WDR59: variants seen among roughly 807,000 people sequenced by gnomAD.
WDR59 encodes the protein GATOR2 complex protein WDR59.
WDR59 carries 100 observed loss-of-function variants against 131.2 expected under a neutral mutation model. The observed-to-expected ratio is 0.76, with a 90% CI of 0.65 to 0.90. WDR59 has a LOEUF of 0.90. Among genes scored for constraint, WDR59 ranks in the 40% least tolerant of loss-of-function variants. The probability of loss-of-function intolerance (pLI) is 0.00; values close to 1 mark genes in which losing one functional copy is unlikely to be tolerated. For synonymous variants in WDR59, 601 were observed against 466.2 expected, an observed-to-expected ratio of 1.29 and a Z score of -3.72; for missense variants, 1,203 against 1,262.2, an observed-to-expected ratio of 0.95 and a Z score of 0.71.
chr16:74,913,782 G>T (rs1597702731), intron 13 of WDR59, among the ~76,000 whole-genome samples: 1 of 152,182 alleles, frequency 6.6e-6, no homozygotes, highest in Non-Finnish European at 1.5e-5. Flanking sequence ...GAGGGAAGGG[G>T]AAATAGGGAG....
At chr16:74,915,824 A>G in intron 13 of WDR59, 46 bp downstream of exon 13, 8 of 1,612,146 alleles carry the variant, frequency 5.0e-6, no homozygotes, top group Non-Finnish European at 5.9e-6. Flanking sequence ...CCTCTCCCAC[A>G]AACTGCCATC....
chr16:74,951,941 C>T (rs938784295), intron 3 of WDR59, among the ~76,000 whole-genome samples: 4 of 152,070 alleles, frequency 2.6e-5, no homozygotes, highest in African/African-American at 9.7e-5. Flanking sequence ...GTCTCCAGCT[C>T]ACCCTTCCAT....
chr16:74,898,412 T>C (rs1965391888), intron 18 of WDR59, among the ~76,000 whole-genome samples: 1 of 152,288 alleles, frequency 6.6e-6, no homozygotes, highest in South Asian at 2.1e-4. Flanking sequence ...TCCCCACAGA[T>C]TTCATGAGAA....
chr16:74,918,271 G>C (rs1966489093), intron 10 of WDR59, among the ~76,000 whole-genome samples: 1 of 152,230 alleles, frequency 6.6e-6, no homozygotes, highest in African/African-American at 2.4e-5. Flanking sequence ...TAAGAGGACA[G>C]AGACTGATGG....
rs774161710 is a variant in WDR59 at position 74,885,692 on chromosome 16, T to C, written c.2650A>G (p.Lys884Glu). 22 of 1,613,970 alleles carry C rather than the reference T, an allele frequency of 1.4e-5. No homozygotes were observed. In the South Asian group the frequency reaches 1.5e-4, roughly 11 times the overall value. Residue 884 changes from lysine to glutamate, a missense_variant, in exon 25 of 26, where the codon AAG becomes GAG. Coordinates refer to ENST00000262144, the MANE Select transcript of WDR59 (RefSeq NM_030581.4). ...GLREKRAEVL[K>E]FVSCPPDPHK... is the part of the protein sequence containing the mutation. ...GGGTCAGGAGGACAGGAGACAAACT[T>C]CAACACTTCAGCTCGCTTCTCTCTC...
At chr16:74,894,627 T>A (rs945358578) in intron 18 of WDR59, among the ~76,000 whole-genome samples, 1 of 152,072 alleles carries the variant, frequency 6.6e-6, no homozygotes, top group Non-Finnish European at 1.5e-5. Flanking sequence ...GTGATTCAAC[T>A]AAGGAAGGAG....
At chr16:74,951,387 A>T (rs2032990941) in intron 4 of WDR59, 71 bp downstream of exon 4, 3 of 1,429,794 alleles carry the variant, frequency 2.1e-6, no homozygotes, top group Admixed American at 3.9e-5. Context: ...GGAGGACGGC[A>T]TCATCATTTC....
Position 74,985,092 on chromosome 16 carries a change from G to A in WDR59, c.-75C>T, listed in dbSNP as rs996448006. ...CGTCCCCAGTATCCCGGGACCGTGC[G>A]CCCCACACAGCCAGAGAATCAGCCC... On this transcript the variant is annotated 5_prime_UTR_variant, in exon 1 of 26. Transcript: ENST00000262144. 37 of 1,401,038 alleles carry A rather than the reference G, an allele frequency of 2.6e-5. No homozygotes were observed. The highest frequency in any genetic ancestry group is 3.4e-5 in the Non-Finnish European group (34 of 1,013,638). 86.8% of individuals were successfully genotyped at this position (1,401,038 alleles called of 1,614,324 possible). A position where few individuals can be genotyped will look rare whatever the true frequency, so the allele number is the denominator to read the frequency against.
intron 11 of WDR59, among the ~76,000 whole-genome samples, chr16:74,916,625 G>A (rs966142312): frequency 7.2e-5 from 11 of 152,242 alleles, no homozygotes; most frequent in Admixed American, 2.0e-4. Flanking sequence ...TTGGGAGGCC[G>A]AGGCAGGTGG....
At position 74,965,812 on chromosome 16, in the gene WDR59, A is replaced by G; in HGVS notation, c.65T>C (p.Met22Thr). The G allele has an allele frequency of 1.2e-6, 2 of 1,614,170 alleles. No individual in the cohort carries two copies. Among genetic ancestry groups the G allele is most frequent in the East Asian group, 2.2e-5 (1 of 44,880 alleles). Residue 22 changes from methionine (M) to threonine (T), a missense_variant, in exon 2 of 26, where the codon ATG (methionine) becomes ACG (threonine). Coordinates refer to ENST00000262144, the MANE Select transcript of WDR59 (RefSeq NM_030581.4). The stretch of plus-strand genomic sequence containing the variant: ...ATGCTGCCCAAGACAGTCCACAGAC[A>G]TCGCAGTTGCCTGAGAGAGAGAACA... ...VEFRDSQATAMSVDCLGQHAV... is the reference protein window; with the variant it reads ...VEFRDSQATATSVDCLGQHAV...
At chr16:74,979,308 A>G (rs8057339) in intron 1 of WDR59, among the ~76,000 whole-genome samples, 3,531 of 151,714 alleles carry the variant, frequency 0.023, 157 homozygotes, top group African/African-American at 0.081. Context: ...ACTAAAAAAT[A>G]CAAAAAAATT....
chr16:74,925,013 C>T (rs1448965166), intron 8 of WDR59, among the ~76,000 whole-genome samples: 1 of 152,164 alleles, frequency 6.6e-6, no homozygotes, highest in Non-Finnish European at 1.5e-5. Flanking sequence ...TTGAAAGTAT[C>T]TGTTCACACA....
At chr16:74,943,270 G>A (rs1476144068) in intron 6 of WDR59, among the ~76,000 whole-genome samples, 1 of 148,928 alleles carries the variant, frequency 6.7e-6, no homozygotes, top group Non-Finnish European at 1.5e-5. Context: ...TTGAGCAATA[G>A]TCTTAGAAAA....
Position 74,959,034 on chromosome 16 carries a change from G to A in WDR59, c.105-2424C>T, listed in dbSNP as rs371604678. Among the ~76,000 whole-genome samples the A allele has an allele frequency of 2.4e-4, 37 of 152,110 alleles. 3 individuals carry two copies. Among genetic ancestry groups the A allele is most frequent in the East Asian group, 1.2e-3 (6 of 5,158 alleles). On this transcript the variant is annotated intron_variant, in intron 2 of 25. Transcript: ENST00000262144. ...AGATCGCACCATTGCACTCCAGCCC[G>A]GGCAACAAAAGCAAAACTCCATCTC... is the stretch of plus-strand genomic sequence containing the variant.
At chr16:74,957,549 T>C (rs1010308304) in intron 2 of WDR59, among the ~76,000 whole-genome samples, 11 of 152,032 alleles carry the variant, frequency 7.2e-5, no homozygotes, top group African/African-American at 2.4e-4. Flanking sequence ...ACTAAATCTA[T>C]CAGGAGGGTT....
At chr16:74,896,940 G>A (rs1332063271) in intron 18 of WDR59, among the ~76,000 whole-genome samples, 2 of 152,152 alleles carry the variant, frequency 1.3e-5, no homozygotes, top group South Asian at 2.1e-4. Flanking sequence ...AGCCATCAGC[G>A]CTGAGATTTG....
chr16:74,981,631 T>TACAC (rs545176557), intron 1 of WDR59, among the ~76,000 whole-genome samples: 331 of 5,766 alleles, frequency 0.057, 14 homozygotes, highest in East Asian at 0.16. Context: ...TATATATATA[T>TACAC]ATATATATAT....
At chr16:74,961,572 T>C (rs1306410663) in intron 2 of WDR59, among the ~76,000 whole-genome samples, 1 of 152,168 alleles carries the variant, frequency 6.6e-6, no homozygotes, top group African/African-American at 2.4e-5. Flanking sequence ...TTTTCATATG[T>C]TGGCTGCATA....
chr16:74,956,601 G>A lies in WDR59; in HGVS notation c.114C>T (p.Phe38=), dbSNP rs1299088375. Reference sequence around the variant, plus strand: ...GGGCATCTAGATTGACGATGTATAAGAATCTGCGGCTAGAGACCAACATCA... The same window carrying A: ...GGGCATCTAGATTGACGATGTATAAAAATCTGCGGCTAGAGACCAACATCA... ...GQHAVLSGRR[F]LYIVNLDAPF... Residue 38 remains phenylalanine (F), a synonymous_variant, in exon 3 of 26, where the codon TTC becomes TTT. Coordinates refer to ENST00000262144, the MANE Select transcript of WDR59 (RefSeq NM_030581.4). 1.2e-6 allele frequency: 2 copies of A among 1,613,936 alleles called. No homozygotes were observed. Among genetic ancestry groups the A allele is most frequent in the Admixed American group, 1.7e-5 (1 of 59,946 alleles).
Sources: gnomAD v4.1 joint callset for allele counts (sites outside exome capture counted in the v4.1 genomes callset) on GRCh38, gnomAD v4.1.1 for gene constraint, MANE v1.5 for transcripts, NCBI Gene and HGNC (gene_info 2026-07-23, HGNC 2026-07-21) for gene names.